TRIO: variants seen among roughly 807,000 people sequenced by gnomAD.
TRIO encodes the protein trio Rho guanine nucleotide exchange factor, also known as triple functional domain protein.
Under a neutral mutation model 351.9 loss-of-function variants are expected in TRIO, and 58 were observed. The ratio of observed to expected loss-of-function variants is 0.16; its 90% CI spans 0.13 to 0.21. The LOEUF is 0.21. TRIO is among the 10% of genes least tolerant of loss of function. TRIO has a pLI of 1.00. For missense variants in TRIO, 3,201 were observed against 4,027.8 expected (o/e 0.79, Z 5.56); for synonymous variants, 1,758 against 1,595.7 (o/e 1.10, Z -2.42).
intron 37 of TRIO, chr5:14,465,959 G>A (rs1157384743): frequency 9.4e-6 from 3 of 320,154 alleles, no homozygotes; most frequent in East Asian, 6.2e-5. Flanking sequence ...AGTGGAGTCA[G>A]GCAGACAGAG....
chr5:14,327,931 A>G (rs1401166365), intron 9 of TRIO, among the ~76,000 whole-genome samples: 1 of 152,250 alleles, frequency 6.6e-6, no homozygotes. Flanking sequence ...CTGTGGGACA[A>G]ACAACTCAGC....
At chr5:14,217,548 C>T (rs1792301552) in intron 1 of TRIO, among the ~76,000 whole-genome samples, 1 of 152,168 alleles carries the variant, frequency 6.6e-6, no homozygotes, top group Admixed American at 6.5e-5. Context: ...CTGCAGCCTG[C>T]TCAGTCACAG....
chr5:14,286,758 C>A lies in TRIO; in HGVS notation c.348-113C>A. The A allele has an allele frequency of 9.1e-6, 10 of 1,100,152 alleles. No individual in the cohort carries two copies. The highest frequency in any genetic ancestry group is 1.3e-5 in the Non-Finnish European group (10 of 773,190). 68.1% of individuals were successfully genotyped at this position (1,100,152 alleles called of 1,614,324 possible). A position where few individuals can be genotyped will look rare whatever the true frequency, so the allele number is the denominator to read the frequency against. Reference sequence around the variant, plus strand: ...CACAGTGTGCTCCTTCCCCTGCCTCCGCACGTGTCCAGCAGGGGAGGGAAG... The same window carrying A: ...CACAGTGTGCTCCTTCCCCTGCCTCAGCACGTGTCCAGCAGGGGAGGGAAG... On this transcript the variant is annotated intron_variant, in intron 3 of 56. Transcript: ENST00000344204. This position sits in a 1 kb window ranked among gnomAD's most constrained non-coding sequence, Gnocchi z 4.4.
chr5:14,312,557 AATT>A (rs963612751), intron 8 of TRIO, among the ~76,000 whole-genome samples: 1 of 152,204 alleles, frequency 6.6e-6, no homozygotes, highest in Non-Finnish European at 1.5e-5. Flanking sequence ...TCGGTTCAAA[AATT>A]ATTATAGGAA....
chr5:14,293,521 C>T (rs114075644), intron 6 of TRIO, among the ~76,000 whole-genome samples: 179 of 152,308 alleles, frequency 1.2e-3, no homozygotes, highest in African/African-American at 4.2e-3. Context: ...TTCATGACAG[C>T]GAAAGGAGCA....
rs1289221950 is a variant in TRIO at position 14,248,859 on chromosome 5, A to G, written c.158-21966A>G. On this transcript the variant is annotated intron_variant, in intron 1 of 56. Coordinates refer to ENST00000344204, the MANE Select transcript of TRIO (RefSeq NM_007118.4). ...TTATGGGCAATGGCTCCAAAGCTCT[A>G]AGGAGTGTATTAACTTGGACGTGGT... 7.9e-5 allele frequency among the ~76,000 whole-genome samples: 12 copies of G among 152,218 alleles called. No individual in the cohort carries two copies. The East Asian group carries it at 1.9e-3, about 24-fold the overall frequency.
Position 14,328,531 on chromosome 5 carries a change from G to GC in TRIO, c.1732-2247_1732-2246insC, listed in dbSNP as rs1740616959. On this transcript the variant is annotated intron_variant, in intron 9 of 56. Transcript: ENST00000344204. ...CGCTCAATACGCCAGTTAAAACAAT[G>GC]GACTCAATACTCTAGTTAAAATAAT... 3.9e-5 allele frequency among the ~76,000 whole-genome samples: 6 copies of GC among 152,310 alleles called. No individual in the cohort carries two copies. The South Asian group carries it at 1.2e-3, about 32-fold the overall frequency.
chr5:14,288,644 G>A (rs1266791252), intron 4 of TRIO, among the ~76,000 whole-genome samples: 1 of 149,034 alleles, frequency 6.7e-6, no homozygotes, highest in Non-Finnish European at 1.5e-5. Flanking sequence ...TCCAGCCTGG[G>A]CAACAGAGCG....
chr5:14,145,775 G>A (rs1186699254), intron 1 of TRIO, among the ~76,000 whole-genome samples: 1 of 152,130 alleles, frequency 6.6e-6, no homozygotes, highest in Non-Finnish European at 1.5e-5. Flanking sequence ...GCTGCTAAGA[G>A]CCCTCCCTAA....
At chr5:14,464,073 A>G (rs1048199868) in intron 36 of TRIO, among the ~76,000 whole-genome samples, 6 of 151,970 alleles carry the variant, frequency 3.9e-5, no homozygotes, top group Non-Finnish European at 8.8e-5. Flanking sequence ...GCTCCCCACC[A>G]TGTGTAGGGG....
intron 1 of TRIO, among the ~76,000 whole-genome samples, chr5:14,211,963 C>A (rs113146125): frequency 8.4e-5 from 4 of 47,356 alleles, no homozygotes; most frequent in African/African-American, 1.6e-4. Context: ...AAAAAAAAAA[C>A]CAAAAAAACA....
chr5:14,474,227 C>G (rs1754883952), intron 40 of TRIO, 130 bp downstream of exon 40: 2 of 780,680 alleles, frequency 2.6e-6, no homozygotes, highest in African/African-American at 3.4e-5. Context: ...GGAGCTGGTG[C>G]AAAGGAGATA....
In TRIO at chr5:14,509,325, C is replaced by A. The variant is rs1757935470; in HGVS notation, c.*903C>A. On this transcript the variant is annotated 3_prime_UTR_variant, in exon 57 of 57. Transcript: ENST00000344204. ...CTATTTATGAAGACCTCTGTTGTAC[C>A]TGTAATAAATATATAGAAAAAGCAC... 2.4e-5 allele frequency: 10 copies of A among 417,324 alleles called. No homozygotes were observed. Among genetic ancestry groups the A allele is most frequent in the South Asian group, 1.5e-4 (9 of 58,890 alleles). The allele number at this position is 417,324 out of a possible 1,614,324, so 25.9% of individuals were successfully genotyped here.
intron 45 of TRIO, 40 bp downstream of exon 45, chr5:14,481,658 T>G: frequency 6.3e-7 from 1 of 1,599,940 alleles, no homozygotes; most frequent in Middle Eastern, 1.7e-4. Context: ...TCCTCTGCCT[T>G]CATCTCTTTC....
intron 13 of TRIO, among the ~76,000 whole-genome samples, chr5:14,359,842 G>A (rs779531970): frequency 2.8e-4 from 43 of 152,332 alleles, no homozygotes; most frequent in Non-Finnish European, 5.6e-4. Context: ...GCTTTCTCTC[G>A]GCCTTGGGGT....
intron 4 of TRIO, among the ~76,000 whole-genome samples, chr5:14,290,192 C>T (rs1257779670): frequency 6.6e-6 from 1 of 152,134 alleles, no homozygotes; most frequent in African/African-American, 2.4e-5. Context: ...AGGCAGCCCA[C>T]ACGTAATTGA....
intron 1 of TRIO, among the ~76,000 whole-genome samples, chr5:14,193,929 CCT>C (rs1790596687): frequency 1.3e-5 from 2 of 152,244 alleles, no homozygotes; most frequent in South Asian, 4.1e-4. Flanking sequence ...GCCCTGAAGT[CCT>C]TACCTGCTCC....
intron 33 of TRIO, among the ~76,000 whole-genome samples, chr5:14,409,689 T>C (rs60534900): frequency 0.14 from 20,513 of 151,780 alleles, 2,241 homozygotes; most frequent in African/African-American, 0.31. Context: ...AAAAAATTAG[T>C]CGAGCGTGGT....
At chr5:14,472,749 G>A in intron 39 of TRIO, 91 bp downstream of exon 39, 1 of 1,358,362 alleles carries the variant, frequency 7.4e-7, no homozygotes, top group East Asian at 2.4e-5. Context: ...CCTCTCAAAA[G>A]CTTTAAAAAC....
Sources: allele counts gnomAD v4.1 joint callset (sites outside exome capture counted in the v4.1 genomes callset), GRCh38; gene constraint gnomAD v4.1.1; non-coding constraint Gnocchi (gnomAD v3.1); transcripts MANE v1.5; gene names NCBI Gene and HGNC (gene_info 2026-07-23, HGNC 2026-07-21).